LRRK1: variants seen among roughly 807,000 people sequenced by gnomAD.
The protein encoded by LRRK1 is leucine-rich repeat serine/threonine-protein kinase 1.
Under a neutral mutation model 209.1 loss-of-function variants are expected in LRRK1, and 113 were observed. The ratio of observed to expected loss-of-function variants is 0.54; its 90% CI spans 0.46 to 0.63. The LOEUF (loss-of-function observed/expected upper bound fraction) is 0.63. Among genes scored for constraint, LRRK1 ranks in the 30% least tolerant of loss-of-function variants. LRRK1 has a pLI of 0.00. For missense variants in LRRK1, 2,284 were observed against 2,632.2 expected (o/e 0.87, Z 2.89); for synonymous variants, 1,144 against 1,099.7 (o/e 1.04, Z -0.80).
In LRRK1 at chr15:101,027,390, C is replaced by A; in HGVS notation, c.2526+9C>A. The A allele has an allele frequency of 6.2e-7, 1 of 1,612,296 alleles. No homozygotes were observed. Among genetic ancestry groups the A allele is most frequent in the Non-Finnish European group, 8.5e-7 (1 of 1,179,702 alleles). Reference sequence around the variant, plus strand: ...GACTGGCAGGGCGGCTGGTGGGTACCTTGCTGGTCCAGTTTAAACCAGTCT... The same window carrying A: ...GACTGGCAGGGCGGCTGGTGGGTACATTGCTGGTCCAGTTTAAACCAGTCT... On this transcript the variant is annotated intron_variant, in intron 18 of 33. Transcript: ENST00000388948. This position sits in a 1 kb window ranked among gnomAD's most constrained non-coding sequence, Gnocchi z 5.1.
At chr15:101,066,332 A>C in intron 32 of LRRK1, 127 bp downstream of exon 32, 1 of 1,325,968 alleles carries the variant, frequency 7.5e-7, no homozygotes, top group African/African-American at 1.5e-5. Flanking sequence ...TTCTTCCAAG[A>C]GGGTTGGTTT....
In LRRK1 at chr15:101,066,101, C is replaced by T. The variant is rs192138582; in HGVS notation, c.5664C>T (p.Ser1888=). 1.7e-5 allele frequency: 28 copies of T among 1,614,132 alleles called. No individual in the cohort carries two copies. Among genetic ancestry groups the T allele is most frequent in the South Asian group, 1.6e-4 (15 of 91,084 alleles). The change falls in exon 32 of 34, where the codon TCC becomes TCT. Residue 1888 remains serine (S), a synonymous_variant. Transcript: ENST00000388948. ...TGCTACATACGCCCGGTGCTGCCTCCGACAGGTCTGAGCATGACCTGACCC... is the reference window on the plus strand; with the variant it reads ...TGCTACATACGCCCGGTGCTGCCTCTGACAGGTCTGAGCATGACCTGACCC... ...SDMLHTPGAA[S]DRSEHDLTPM... is the part of the protein sequence containing the mutation.
intron 10 of LRRK1, among the ~76,000 whole-genome samples, chr15:101,012,552 A>G (rs755288048): frequency 2.6e-4 from 40 of 152,008 alleles, no homozygotes; most frequent in Admixed American, 7.2e-4. Flanking sequence ...CGTGGATCAC[A>G]CTCATTGCTT....
At chr15:101,050,180 G>A (rs1209080620) in intron 23 of LRRK1, among the ~76,000 whole-genome samples, 2 of 152,194 alleles carry the variant, frequency 1.3e-5, no homozygotes, top group South Asian at 2.1e-4. Context: ...TATCCCCTGC[G>A]CAGGGGCAGG....
chr15:101,058,616 A>ATGGG (rs1555479925), intron 29 of LRRK1, among the ~76,000 whole-genome samples: 2 of 4,256 alleles, frequency 4.7e-4, no homozygotes, highest in Admixed American at 3.1e-3. Context: ...AGAAGGGGCA[A>ATGGG]CGGGGGGGGG....
intron 20 of LRRK1, among the ~76,000 whole-genome samples, chr15:101,033,398 C>G (rs934088252): frequency 2.0e-5 from 3 of 152,136 alleles, no homozygotes. Context: ...TGTCTGTACC[C>G]ATTCACCAAC....
At chr15:100,937,395 A>C (rs2042319806) in intron 2 of LRRK1, among the ~76,000 whole-genome samples, 1 of 152,096 alleles carries the variant, frequency 6.6e-6, no homozygotes, top group African/African-American at 2.4e-5. Context: ...TTGGCCTCAG[A>C]AACCACAGTT....
At chr15:100,983,094 T>C (rs1347966638) in intron 3 of LRRK1, among the ~76,000 whole-genome samples, 1 of 152,154 alleles carries the variant, frequency 6.6e-6, no homozygotes, top group Non-Finnish European at 1.5e-5. Context: ...GGGATCACTT[T>C]AGCCTGGGAG....
chr15:101,019,616 G>T (rs983275669), intron 12 of LRRK1, among the ~76,000 whole-genome samples: 1 of 152,182 alleles, frequency 6.6e-6, no homozygotes, highest in Non-Finnish European at 1.5e-5. Flanking sequence ...TACATGTGTG[G>T]AGGAAAGCCA....
In LRRK1 at chr15:101,076,249, C is replaced by T. The variant is rs1352747474; in HGVS notation, c.*7401C>T. On this transcript the variant is annotated 3_prime_UTR_variant, in exon 34 of 34. Coordinates refer to ENST00000388948, the MANE Select transcript of LRRK1 (RefSeq NM_024652.6). Reference sequence around the variant, plus strand: ...TCAAAATCACAAACTATGCTCAACTCACTCTCTACAGTTATCATAACTTCC... The same window carrying T: ...TCAAAATCACAAACTATGCTCAACTTACTCTCTACAGTTATCATAACTTCC... The T allele has an allele frequency of 2.0e-5, 3 of 152,230 alleles. No homozygotes were observed. Among genetic ancestry groups the T allele is most frequent in the Non-Finnish European group, 2.9e-5 (2 of 68,060 alleles). The allele number at this position is 152,230 out of a possible 1,614,324, so 9.4% of individuals were successfully genotyped here. A position where few individuals can be genotyped will look rare whatever the true frequency, so the allele number is the denominator to read the frequency against.
At chr15:100,987,249 G>C (rs2031925704) in intron 4 of LRRK1, among the ~76,000 whole-genome samples, 2 of 152,156 alleles carry the variant, frequency 1.3e-5, no homozygotes, top group South Asian at 2.1e-4. Context: ...TCGCGAAGGA[G>C]AGAGTCACTC....
intron 2 of LRRK1, among the ~76,000 whole-genome samples, chr15:100,929,133 C>T (rs546928813): frequency 2.1e-4 from 32 of 152,282 alleles, no homozygotes; most frequent in Non-Finnish European, 3.8e-4. Flanking sequence ...AAAAACCAGT[C>T]CCGCCAGCCA....
chr15:101,013,382 G>A (rs2033373273), intron 10 of LRRK1, among the ~76,000 whole-genome samples: 1 of 152,190 alleles, frequency 6.6e-6, no homozygotes, highest in African/African-American at 2.4e-5. Context: ...GATAGTTGGT[G>A]GCTGTGGTGA....
At chr15:100,998,945 A>G (rs2141680356) in intron 6 of LRRK1, among the ~76,000 whole-genome samples, 1 of 152,248 alleles carries the variant, frequency 6.6e-6, no homozygotes, top group South Asian at 2.1e-4. Context: ...AAATTTTTGT[A>G]TGCAGTAACC....
At chr15:100,933,594 G>A (rs139108209) in intron 2 of LRRK1, among the ~76,000 whole-genome samples, 4 of 152,022 alleles carry the variant, frequency 2.6e-5, no homozygotes, top group African/African-American at 9.6e-5. Context: ...GGCTGAGGTG[G>A]GCAGATCACT....
At position 101,072,703 on chromosome 15, in the gene LRRK1, C is replaced by T. The variant is rs2036846682; in HGVS notation, c.*3855C>T. 1 of 152,384 alleles carries T rather than the reference C, an allele frequency of 6.6e-6. No homozygotes were observed. The highest frequency in any genetic ancestry group is 1.5e-5 in the Non-Finnish European group (1 of 68,222). 9.4% of individuals were successfully genotyped at this position (152,384 alleles called of 1,614,324 possible). A position where few individuals can be genotyped will look rare whatever the true frequency, so the allele number is the denominator to read the frequency against. On this transcript the variant is annotated 3_prime_UTR_variant, in exon 34 of 34. Transcript: ENST00000388948. The stretch of plus-strand genomic sequence containing the variant: ...AATTCCTTCTCCTGGCTCATCCTGG[C>T]TCAAAAAGCTCCCCCACTGAGCACG...
chr15:101,065,233 A>G, intron 31 of LRRK1, 119 bp from the exon 32 acceptor site: 13 of 1,219,734 alleles, frequency 1.1e-5, no homozygotes, highest in Non-Finnish European at 1.5e-5. Flanking sequence ...CCTGAGGCGC[A>G]CTGGTGGAAA....
intron 2 of LRRK1, among the ~76,000 whole-genome samples, chr15:100,953,450 G>A (rs1450167050): frequency 3.3e-5 from 5 of 151,784 alleles, no homozygotes; most frequent in Non-Finnish European, 7.4e-5. Flanking sequence ...GCAAATGACA[G>A]AATTTACTTC....
intron 2 of LRRK1, among the ~76,000 whole-genome samples, chr15:100,933,499 A>G (rs2042244887): frequency 6.6e-6 from 1 of 151,864 alleles, no homozygotes; most frequent in Non-Finnish European, 1.5e-5. Context: ...TTTCGCTCAC[A>G]TTTTCCAACT....
Sources: allele counts gnomAD v4.1 joint callset (sites outside exome capture counted in the v4.1 genomes callset), GRCh38; gene constraint gnomAD v4.1.1; non-coding constraint Gnocchi (gnomAD v3.1); transcripts MANE v1.5; gene names NCBI Gene and HGNC (gene_info 2026-07-23, HGNC 2026-07-21).